The following NOCT variants were observed in gnomAD, a reference collection of about 807,000 sequenced individuals.
NOCT encodes CCR4 carbon catabolite repression 4-like.
In NOCT, 18 loss-of-function variants were observed where a neutral mutation model predicts 35.0. The observed-to-expected ratio is 0.51, with a 90% CI of 0.36 to 0.76. The LOEUF (loss-of-function observed/expected upper bound fraction) is 0.76, where lower values mean the gene tolerates loss of function less well. NOCT is among the 30% of genes least tolerant of loss of function. The pLI, the probability that NOCT is intolerant of heterozygous loss-of-function variation, is 0.01. For synonymous variants in NOCT, 235 were observed against 226.3 expected, an observed-to-expected ratio of 1.04 and a Z score of -0.34; for missense variants, 479 against 541.0, an observed-to-expected ratio of 0.89 and a Z score of 1.14.
intron 1 of NOCT, among the ~76,000 whole-genome samples, chr4:139,039,481 T>C (rs1434094546): frequency 1.3e-5 from 2 of 152,098 alleles, no homozygotes; most frequent in African/African-American, 2.4e-5. Flanking sequence ...TTAAGTTTTC[T>C]TGATTTCTTT....
In NOCT at chr4:139,043,380, T is replaced by G; in HGVS notation, c.460+37T>G. 1.9e-6 allele frequency: 3 copies of G among 1,594,520 alleles called. No individual in the cohort carries two copies. In the South Asian group the frequency reaches 3.3e-5, roughly 18 times the overall value. Reference sequence around the variant, plus strand: ...GCTTTTGTGCCTCTGCAGTCAAGTTTGCTGTGACTGCCTTTCTGCTTCTGC... The same window carrying G: ...GCTTTTGTGCCTCTGCAGTCAAGTTGGCTGTGACTGCCTTTCTGCTTCTGC... On this transcript the variant is annotated intron_variant, in intron 2 of 2. Coordinates refer to ENST00000280614, the MANE Select transcript of NOCT (RefSeq NM_012118.4).
chr4:139,032,870 A>AT (rs1371546345), intron 1 of NOCT, among the ~76,000 whole-genome samples: 5 of 152,070 alleles, frequency 3.3e-5, no homozygotes, highest in Non-Finnish European at 5.9e-5. Flanking sequence ...TATGAAAGGA[A>AT]TTTTTTTTAA....
At chr4:139,033,239 A>AC (rs1726660410) in intron 1 of NOCT, among the ~76,000 whole-genome samples, 2 of 144,394 alleles carry the variant, frequency 1.4e-5, no homozygotes, top group South Asian at 4.4e-4. Context: ...GTGGTGTGTG[A>AC]CATAATACCA....
intron 1 of NOCT, among the ~76,000 whole-genome samples, chr4:139,034,361 A>G (rs566321215): frequency 6.6e-6 from 1 of 152,270 alleles, no homozygotes; most frequent in East Asian, 1.9e-4. Flanking sequence ...ACATGCATTC[A>G]AACCATAATA....
intron 2 of NOCT, among the ~76,000 whole-genome samples, chr4:139,044,380 G>A (rs1560735302): frequency 6.6e-6 from 1 of 152,168 alleles, no homozygotes; most frequent in Non-Finnish European, 1.5e-5. Flanking sequence ...CTGCAAAGCA[G>A]TTTCCTTAAG....
intron 1 of NOCT, among the ~76,000 whole-genome samples, chr4:139,031,710 GGTTTT>G (rs1040670434): frequency 6.6e-6 from 1 of 151,870 alleles, no homozygotes; most frequent in Non-Finnish European, 1.5e-5. Context: ...CCCACTTGTG[GGTTTT>G]GTTTTGTTTT....
rs894523592 is a variant in NOCT, at chr4:139,045,121, G to A, written c.943G>A (p.Ala315Thr). ...GAACCTGCAAAACATCACCCAAGGA[G>A]CCAAGATTCCCCTTATTGTGTGTGG... ...LQNLQNITQG[A>T]KIPLIVCGDF... Residue 315 changes from alanine to threonine, a missense_variant, in exon 3 of 3, where the codon GCC becomes ACC. Coordinates refer to ENST00000280614, the MANE Select transcript of NOCT (RefSeq NM_012118.4). The A allele has an allele frequency of 1.2e-6, 2 of 1,614,184 alleles. No homozygotes were observed. Among genetic ancestry groups the A allele is most frequent in the African/African-American group, 1.3e-5 (1 of 75,042 alleles).
In NOCT at chr4:139,043,021, C is replaced by T. The variant is rs958463408; in HGVS notation, c.191-53C>T. The T allele has an allele frequency of 2.8e-5, 42 of 1,513,070 alleles. No individual in the cohort carries two copies. The South Asian group carries it at 3.6e-4, about 13-fold the overall frequency. 93.7% of individuals were successfully genotyped at this position (1,513,070 alleles called of 1,614,324 possible). A position where few individuals can be genotyped will look rare whatever the true frequency, so the allele number is the denominator to read the frequency against. ...ATGTTTATCTTACAGTTGTGCTGGGCGAGAAGTCAGGAAAAGGAGCTGAGT... is the reference window on the plus strand; with the variant it reads ...ATGTTTATCTTACAGTTGTGCTGGGTGAGAAGTCAGGAAAAGGAGCTGAGT... On this transcript the variant is annotated intron_variant, in intron 1 of 2. Coordinates refer to ENST00000280614, the MANE Select transcript of NOCT (RefSeq NM_012118.4).
At position 139,015,790 on chromosome 4, in the gene NOCT, C is replaced by T. The variant is rs553565261; in HGVS notation, c.-192C>T. On this transcript the variant is annotated 5_prime_UTR_variant, in exon 1 of 3. Transcript: ENST00000280614. ...CGCCAGGTCTCACAGCAGACGGTGC[C>T]GACGCAGCGGTGTTGCACCTCCCTC... 20 of 384,706 alleles carry T rather than the reference C, an allele frequency of 5.2e-5. No homozygotes were observed. The South Asian group carries it at 1.4e-3, about 27-fold the overall frequency. The allele number at this position is 384,706 out of a possible 1,614,324, so 23.8% of individuals were successfully genotyped here.
Position 139,021,671 on chromosome 4 carries a change from G to A in NOCT, c.190+5500G>A, listed in dbSNP as rs72722795. Among the ~76,000 whole-genome samples, 577 of 151,988 alleles carry A rather than the reference G, an allele frequency of 3.8e-3. 4 individuals are homozygous for A. The highest frequency in any genetic ancestry group is 5.9e-3 in the Non-Finnish European group (404 of 68,004). On this transcript the variant is annotated intron_variant, in intron 1 of 2. Coordinates refer to ENST00000280614, the MANE Select transcript of NOCT (RefSeq NM_012118.4). Reference sequence around the variant, plus strand: ...TGATGTTTACTAAAAGAAAAGTGAGGTAATTGTGTTCTGGCTTCTTGGAGT... The same window carrying A: ...TGATGTTTACTAAAAGAAAAGTGAGATAATTGTGTTCTGGCTTCTTGGAGT...
chr4:139,019,162 TCTC>T (rs1379976328), intron 1 of NOCT, among the ~76,000 whole-genome samples: 1 of 152,152 alleles, frequency 6.6e-6, no homozygotes, highest in Non-Finnish European at 1.5e-5. Context: ...CTCAAGCAGT[TCTC>T]CTGTCTCAGC....
chr4:139,027,903 C>G (rs993863992), intron 1 of NOCT, among the ~76,000 whole-genome samples: 2 of 151,916 alleles, frequency 1.3e-5, no homozygotes, highest in Non-Finnish European at 2.9e-5. Context: ...AATATAAAAG[C>G]CTTTCTTAGC....
intron 1 of NOCT, among the ~76,000 whole-genome samples, chr4:139,033,091 G>T (rs111681223): frequency 0.013 from 1,907 of 152,056 alleles, 44 homozygotes; most frequent in African/African-American, 0.044. Context: ...GTGGCCAAGT[G>T]CAGTGGCTCA....
intron 1 of NOCT, among the ~76,000 whole-genome samples, chr4:139,037,365 C>G (rs1336551373): frequency 6.6e-6 from 1 of 152,322 alleles, no homozygotes; most frequent in East Asian, 1.9e-4. Flanking sequence ...TCACACCTGA[C>G]AAGAATTATT....
Position 139,015,934 on chromosome 4 carries a change from C to A in NOCT, c.-48C>A, listed in dbSNP as rs1348901174. 7.7e-7 allele frequency: 1 copy of A among 1,292,600 alleles called. No individual in the cohort carries two copies. The highest frequency in any genetic ancestry group is 2.1e-5 in the South Asian group (1 of 47,200). The allele number at this position is 1,292,600 out of a possible 1,614,324, so 80.1% of individuals were successfully genotyped here. On this transcript the variant is annotated 5_prime_UTR_variant, in exon 1 of 3. Transcript: ENST00000280614. ...CTCGGTGCCCTCGGCCCCAGCCGGG[C>A]TCCGCTCCTCGGGCGCGCGAGGGGC...
intron 1 of NOCT, among the ~76,000 whole-genome samples, chr4:139,026,295 T>A (rs1304097482): frequency 6.6e-6 from 1 of 152,100 alleles, no homozygotes; most frequent in Non-Finnish European, 1.5e-5. Context: ...GAGACGGGGT[T>A]TCACCATGTT....
At chr4:139,019,244 G>A (rs1416552255) in intron 1 of NOCT, among the ~76,000 whole-genome samples, 1 of 152,100 alleles carries the variant, frequency 6.6e-6, no homozygotes, top group African/African-American at 2.4e-5. Context: ...AGTAGAGACA[G>A]GATTTCAACG....
chr4:139,031,869 C>T (rs746374350), intron 1 of NOCT, among the ~76,000 whole-genome samples: 29 of 152,104 alleles, frequency 1.9e-4, no homozygotes, highest in South Asian at 6.2e-4. Flanking sequence ...CCCGCCACCA[C>T]GCCCGGCTAA....
At chr4:139,044,334 C>G (rs1726894776) in intron 2 of NOCT, among the ~76,000 whole-genome samples, 1 of 152,020 alleles carries the variant, frequency 6.6e-6, no homozygotes, top group Non-Finnish European at 1.5e-5. Flanking sequence ...AGAAAATTGG[C>G]ATTTATTTCA....
Sources: gnomAD v4.1 joint callset for allele counts (sites outside exome capture counted in the v4.1 genomes callset) on GRCh38, gnomAD v4.1.1 for gene constraint, MANE v1.5 for transcripts, NCBI Gene and HGNC (gene_info 2026-07-23, HGNC 2026-07-21) for gene names.